UEVLD: variants seen among roughly 807,000 people sequenced by gnomAD.
UEVLD encodes the protein UEV and lactate/malate dehyrogenase domains.
UEVLD carries 47 observed loss-of-function variants against 58.6 expected under a neutral mutation model. That is an observed-to-expected ratio of 0.80 (90% CI 0.63 to 1.02). The LOEUF is 1.02. Ranked by LOEUF, UEVLD falls within the 50% of genes least tolerant of loss-of-function variation. UEVLD has a pLI of 0.00. For missense variants in UEVLD, 510 were observed against 550.6 expected (o/e 0.93, Z 0.74); for synonymous variants, 197 against 195.3 (o/e 1.01, Z -0.07).
In UEVLD at chr11:18,531,345, G is replaced by A. The variant is rs780872813; in HGVS notation, c.*975C>T. 2 of 152,144 alleles carry A rather than the reference G, an allele frequency of 1.3e-5. No individual in the cohort carries two copies. Among genetic ancestry groups the A allele is most frequent in the Non-Finnish European group, 2.9e-5 (2 of 68,020 alleles). 9.4% of individuals were successfully genotyped at this position (152,144 alleles called of 1,614,324 possible). Reference sequence around the variant, plus strand: ...TATATATGAAGTGTTGATGTTAACTGTTACTATTAGTTGTATGTCACAATA... The same window carrying A: ...TATATATGAAGTGTTGATGTTAACTATTACTATTAGTTGTATGTCACAATA... On this transcript the variant is annotated 3_prime_UTR_variant, in exon 12 of 12. Transcript: ENST00000396197.
At chr11:18,542,008 A>G (rs1488246811) in intron 9 of UEVLD, among the ~76,000 whole-genome samples, 5 of 152,124 alleles carry the variant, frequency 3.3e-5, no homozygotes, top group African/African-American at 1.2e-4. Flanking sequence ...CTCCCTAACT[A>G]TAATTGGGAA....
chr11:18,566,458 T>G lies in UEVLD; in HGVS notation c.382A>C (p.Ile128Leu). 2 of 1,614,040 alleles carry G rather than the reference T, an allele frequency of 1.2e-6. No individual in the cohort carries two copies. Among genetic ancestry groups the G allele is most frequent in the Non-Finnish European group, 1.7e-6 (2 of 1,180,024 alleles). ...TGAAACTTGGCAATCATTTCTTTAA[T>G]TAATCCAACAATGACAGATTTAGGC... ...SHPKSVIVGL[I>L]KEMIAKFQEE... Residue 128 changes from isoleucine to leucine, a missense_variant, in exon 5 of 12, where the codon ATT (isoleucine) becomes CTT (leucine). Ile to Leu is a conservative substitution (Grantham distance 5, BLOSUM62 2). Transcript: ENST00000396197.
In UEVLD at chr11:18,588,476, C is replaced by T. The variant is rs1429313597; in HGVS notation, c.42+137G>A. 7 of 1,032,530 alleles carry T rather than the reference C, an allele frequency of 6.8e-6. No homozygotes were observed. The Admixed American group carries it at 8.5e-5, about 12-fold the overall frequency. The allele number at this position is 1,032,530 out of a possible 1,614,324, so 64.0% of individuals were successfully genotyped here. A position where few individuals can be genotyped will look rare whatever the true frequency, so the allele number is the denominator to read the frequency against. ...GCCTCCCTGGGGCCGCGCCCCATAG[C>T]CGGTTTCAGACCAGCCGCCCCGGCT... On this transcript the variant is annotated intron_variant, in intron 1 of 11. Transcript: ENST00000396197.
intron 1 of UEVLD, among the ~76,000 whole-genome samples, chr11:18,586,751 T>C (rs1208899641): frequency 6.6e-6 from 1 of 152,214 alleles, no homozygotes; most frequent in African/African-American, 2.4e-5. Flanking sequence ...GGAAACTTCA[T>C]ATATTTGCTG....
At position 18,531,246 on chromosome 11, in the gene UEVLD, T is replaced by A. The variant is rs754647096; in HGVS notation, c.*1074A>T. The A allele has an allele frequency of 6.6e-6, 1 of 152,230 alleles. No individual in the cohort carries two copies. Among genetic ancestry groups the A allele is most frequent in the Non-Finnish European group, 1.5e-5 (1 of 68,042 alleles). The allele number at this position is 152,230 out of a possible 1,614,324, so 9.4% of individuals were successfully genotyped here. ...TCAATTTCCTTTTATAAAATGATGA[T>A]GGCAATAGTCCCTACCTCAGTGGTC... is the stretch of plus-strand genomic sequence containing the variant. On this transcript the variant is annotated 3_prime_UTR_variant, in exon 12 of 12. Coordinates refer to ENST00000396197, the MANE Select transcript of UEVLD (RefSeq NM_001040697.4).
chr11:18,576,380 C>G (rs1852911560), intron 2 of UEVLD, among the ~76,000 whole-genome samples: 1 of 151,470 alleles, frequency 6.6e-6, no homozygotes, highest in Non-Finnish European at 1.5e-5. Context: ...TGATGAAACC[C>G]CATCTCTATC....
chr11:18,546,811 T>C, intron 8 of UEVLD, 69 bp downstream of exon 8: 4 of 1,567,214 alleles, frequency 2.6e-6, no homozygotes, highest in Non-Finnish European at 3.5e-6. Context: ...AGTTTTATGG[T>C]TTTTATCAGT....
chr11:18,534,476 C>T (rs752308915), intron 10 of UEVLD, 23 bp from the exon 11 acceptor site: 1 of 1,552,250 alleles, frequency 6.4e-7, no homozygotes, highest in South Asian at 1.3e-5. Flanking sequence ...AATACGTGAT[C>T]TCAGAAAATG....
chr11:18,577,197 A>C (rs1435222035), intron 2 of UEVLD, among the ~76,000 whole-genome samples: 1 of 152,152 alleles, frequency 6.6e-6, no homozygotes, highest in Non-Finnish European at 1.5e-5. Context: ...AAACCAACCA[A>C]CCAACCAACC....
rs1428673505 is a variant in UEVLD at position 18,588,728 on chromosome 11, A to C, written c.-74T>G. The C allele has an allele frequency of 6.5e-7, 1 of 1,546,996 alleles. No homozygotes were observed. The highest frequency in any genetic ancestry group is 1.9e-5 in the Admixed American group (1 of 52,708). ...TCTTCCGGACTTGCTGCAGGACGGAAGCCGCTGAGGACCAAACTTCCCGGC... is the reference window on the plus strand; with the variant it reads ...TCTTCCGGACTTGCTGCAGGACGGACGCCGCTGAGGACCAAACTTCCCGGC... On this transcript the variant is annotated 5_prime_UTR_variant, in exon 1 of 12. Coordinates refer to ENST00000396197, the MANE Select transcript of UEVLD (RefSeq NM_001040697.4).
At chr11:18,564,639 TA>T (rs1410189447) in intron 6 of UEVLD, among the ~76,000 whole-genome samples, 1 of 152,226 alleles carries the variant, frequency 6.6e-6, no homozygotes, top group Non-Finnish European at 1.5e-5. Flanking sequence ...GATTAAGTCA[TA>T]TGAATGTCAA....
At chr11:18,553,219 G>A (rs1851610252) in intron 7 of UEVLD, among the ~76,000 whole-genome samples, 1 of 150,610 alleles carries the variant, frequency 6.6e-6, no homozygotes, top group Non-Finnish European at 1.5e-5. Context: ...CCAGTTACTT[G>A]GGAAGCTGAG....
intron 9 of UEVLD, 27 bp downstream of exon 9, chr11:18,544,596 C>T (rs747566735): frequency 1.2e-4 from 188 of 1,577,586 alleles, no homozygotes; most frequent in Non-Finnish European, 1.5e-4. Flanking sequence ...TGAGCCACCA[C>T]ACCCAGCCTA....
chr11:18,565,825 T>TA (rs1565130509), intron 5 of UEVLD, among the ~76,000 whole-genome samples: 1 of 148,436 alleles, frequency 6.7e-6, no homozygotes, highest in African/African-American at 2.5e-5. Context: ...CTCAAAAAAA[T>TA]AAAAAAATAA....
intron 1 of UEVLD, among the ~76,000 whole-genome samples, chr11:18,583,222 CTTTTTT>C (rs10540605): frequency 8.2e-6 from 1 of 122,202 alleles, no homozygotes; most frequent in Non-Finnish European, 1.7e-5. Flanking sequence ...TTGTGCCCAG[CTTTTTT>C]TTTTTTTTTT....
intron 7 of UEVLD, 80 bp downstream of exon 7, chr11:18,558,148 G>C: frequency 1.0e-6 from 1 of 957,250 alleles, no homozygotes; most frequent in Non-Finnish European, 1.5e-6. Flanking sequence ...TGATCTTTAA[G>C]GTGCTTTTCA....
In UEVLD at chr11:18,566,386, G is replaced by T; in HGVS notation, c.454C>A (p.Gln152Lys). Residue 152 changes from glutamine (Q) to lysine (K), a missense_variant, in exon 5 of 12, where the codon CAG (glutamine) becomes AAG (lysine). By Grantham distance (53) the Gln-to-Lys change is moderately conservative (BLOSUM62 1). Transcript: ENST00000396197. ...YSLSSSDEAR[Q>K]VDLLAYIAKI... ...GCAATATAGGCTAGCAAGTCTACCT[G>T]CCGTGCCTCATCAGATGATGATAGA... is the stretch of plus-strand genomic sequence containing the variant. 6.2e-7 allele frequency: 1 copy of T among 1,614,092 alleles called. No homozygotes were observed.
intron 7 of UEVLD, among the ~76,000 whole-genome samples, chr11:18,547,406 T>C (rs1180734843): frequency 6.6e-6 from 1 of 152,084 alleles, no homozygotes; most frequent in Non-Finnish European, 1.5e-5. Context: ...GTGACTGTAG[T>C]CTCAGCTACT....
chr11:18,581,046 C>A (rs1204162243), intron 1 of UEVLD, among the ~76,000 whole-genome samples: 1 of 151,812 alleles, frequency 6.6e-6, no homozygotes, highest in African/African-American at 2.4e-5. Flanking sequence ...ACTATAATCC[C>A]AGCTACTTGC....
Sources: gnomAD v4.1 joint callset for allele counts (sites outside exome capture counted in the v4.1 genomes callset) on GRCh38, gnomAD v4.1.1 for gene constraint, MANE v1.5 for transcripts, NCBI Gene and HGNC (gene_info 2026-07-23, HGNC 2026-07-21) for gene names.